Variants in SNX14 observed in about 807,000 individuals in gnomAD.
SNX14 encodes the protein sorting nexin-14.
SNX14 carries 93 observed loss-of-function variants against 133.8 expected under a neutral mutation model. The observed-to-expected ratio is 0.70, with a 90% CI of 0.59 to 0.83. The LOEUF (loss-of-function observed/expected upper bound fraction) is 0.83. Ranked by LOEUF, SNX14 falls within the 40% of genes least tolerant of loss-of-function variation. SNX14 has a pLI of 0.00. For synonymous variants in SNX14, 368 were observed against 365.6 expected, an observed-to-expected ratio of 1.01 and a Z score of -0.07; for missense variants, 945 against 1,094.9, an observed-to-expected ratio of 0.86 and a Z score of 1.93.
At chr6:85,568,872 A>C (rs904359958) in intron 4 of SNX14, among the ~76,000 whole-genome samples, 1 of 152,206 alleles carries the variant, frequency 6.6e-6, no homozygotes, top group African/African-American at 2.4e-5. Flanking sequence ...GACTAGAACG[A>C]GTTATCATTA....
intron 1 of SNX14, among the ~76,000 whole-genome samples, chr6:85,587,491 G>A (rs931850993): frequency 2.0e-5 from 3 of 152,146 alleles, no homozygotes; most frequent in Non-Finnish European, 2.9e-5. Flanking sequence ...TTGAGACAGA[G>A]TCTCGCTCTG....
chr6:85,515,286 A>AT (rs1774547073), intron 23 of SNX14, among the ~76,000 whole-genome samples: 1 of 149,686 alleles, frequency 6.7e-6, no homozygotes, highest in Non-Finnish European at 1.5e-5. Context: ...AAAAAAAAAA[A>AT]ACACTAACAT....
At chr6:85,568,516 T>A (rs1426941778) in intron 4 of SNX14, 4 of 152,260 alleles carry the variant, frequency 2.6e-5, no homozygotes, top group Non-Finnish European at 4.4e-5. Context: ...GTTATATAAG[T>A]GAAAAAGTAA....
At chr6:85,520,695 A>G (rs965455373) in intron 21 of SNX14, among the ~76,000 whole-genome samples, 1 of 152,086 alleles carries the variant, frequency 6.6e-6, no homozygotes, top group Non-Finnish European at 1.5e-5. Context: ...TCCAGCTTAC[A>G]CTAGTTTGGT....
rs887837962 is a variant in SNX14 at position 85,593,496 on chromosome 6, C to A, written c.140+83G>T. 16 of 1,487,872 alleles carry A rather than the reference C, an allele frequency of 1.1e-5. No individual in the cohort carries two copies. The African/African-American group carries it at 2.0e-4, about 18-fold the overall frequency. 92.2% of individuals were successfully genotyped at this position (1,487,872 alleles called of 1,614,324 possible). A position where few individuals can be genotyped will look rare whatever the true frequency, so the allele number is the denominator to read the frequency against. On this transcript the variant is annotated intron_variant, in intron 1 of 28. Transcript: ENST00000314673. ...GGTCCCCAGTCCCGCAGCTACGCGG[C>A]CTCCGCACGGTTAAGCAGCACGGGC...
intron 21 of SNX14, among the ~76,000 whole-genome samples, chr6:85,519,854 T>A (rs930131834): frequency 6.6e-6 from 1 of 151,674 alleles, no homozygotes; most frequent in Non-Finnish European, 1.5e-5. Context: ...GGTGACAGAG[T>A]GAGACTCCGT....
intron 4 of SNX14, among the ~76,000 whole-genome samples, chr6:85,570,255 G>A (rs1423323233): frequency 6.6e-6 from 1 of 152,144 alleles, no homozygotes; most frequent in East Asian, 1.9e-4. Flanking sequence ...TTAAATGTGA[G>A]AGCTAATATT....
In SNX14 at chr6:85,578,641, T is replaced by C. The variant is rs146935405; in HGVS notation, c.141-4263A>G. Among the ~76,000 whole-genome samples, 865 of 152,252 alleles carry C rather than the reference T, an allele frequency of 5.7e-3. 10 individuals are homozygous for C. The highest frequency in any genetic ancestry group is 8.4e-3 in the Non-Finnish European group (571 of 68,014). The stretch of plus-strand genomic sequence containing the variant: ...TTAAAGATACTAGAAATAGACTGCA[T>C]GAAATGACTGATGGACCAAGCTATC... On this transcript the variant is annotated intron_variant, in intron 1 of 28. Transcript: ENST00000314673.
At chr6:85,587,163 G>A (rs1040279250) in intron 1 of SNX14, among the ~76,000 whole-genome samples, 1 of 151,044 alleles carries the variant, frequency 6.6e-6, no homozygotes. Context: ...TACAGGCATG[G>A]GCCACCTCAC....
At chr6:85,564,003 T>C (rs918903653) in intron 6 of SNX14, among the ~76,000 whole-genome samples, 1 of 152,130 alleles carries the variant, frequency 6.6e-6, no homozygotes, top group Admixed American at 6.6e-5. Context: ...TTCCCACCTA[T>C]GAGTAAGAAC....
intron 28 of SNX14, among the ~76,000 whole-genome samples, 188 bp downstream of exon 28, chr6:85,507,045 T>C (rs949741995): frequency 1.3e-5 from 2 of 152,062 alleles, no homozygotes; most frequent in Non-Finnish European, 2.9e-5. Context: ...AGCTATTCAA[T>C]AGCTGTCCCC....
chr6:85,591,528 G>A (rs1371379071), intron 1 of SNX14, among the ~76,000 whole-genome samples: 2 of 152,112 alleles, frequency 1.3e-5, no homozygotes, highest in Non-Finnish European at 2.9e-5. Flanking sequence ...ACAGGGTACA[G>A]GTTAGATGGT....
chr6:85,517,802 C>T lies in SNX14; in HGVS notation c.2222G>A (p.Arg741Lys). Residue 741 changes from arginine to lysine, a missense_variant, in exon 23 of 29, where the codon AGA becomes AAA. Around this residue, in one of 3 missense-constraint regions of SNX14, gnomAD observed 412 missense variants for 516.6 expected, o/e 0.80. Coordinates refer to ENST00000314673, the MANE Select transcript of SNX14 (RefSeq NM_153816.6). The stretch of plus-strand genomic sequence containing the variant: ...AGGGCTGAGAATGGTCAGTTCTGGT[C>T]TACTTGGTTTAGGCTTTGGAGACTC... Reference protein sequence around the residue: ...SCESPKPKPSRPELTILSPTS... With the variant: ...SCESPKPKPSKPELTILSPTS... The T allele has an allele frequency of 1.2e-6, 2 of 1,610,828 alleles. No homozygotes were observed. The highest frequency in any genetic ancestry group is 8.5e-7 in the Non-Finnish European group (1 of 1,179,132).
chr6:85,528,259 T>C lies in SNX14; in HGVS notation c.1995+3A>G. 1.3e-6 allele frequency: 2 copies of C among 1,582,974 alleles called. No homozygotes were observed. Among genetic ancestry groups the C allele is most frequent in the Non-Finnish European group, 1.7e-6 (2 of 1,152,692 alleles). ...TTTGGAATTAATACAGTTGATGTTATACCTGTAGATATTCTTGGAACTCTT... is the reference window on the plus strand; with the variant it reads ...TTTGGAATTAATACAGTTGATGTTACACCTGTAGATATTCTTGGAACTCTT... On this transcript the variant is annotated splice_donor_region_variant and intron_variant, in intron 20 of 28. Coordinates refer to ENST00000314673, the MANE Select transcript of SNX14 (RefSeq NM_153816.6).
In SNX14 at chr6:85,538,826, C is replaced by T; in HGVS notation, c.1475+12G>A. ...ATTTAATACTGAAAAGAATCACATG[C>T]TCAAGACTTACCGAAAATCATCCAA... On this transcript the variant is annotated intron_variant, in intron 16 of 28. Coordinates refer to ENST00000314673, the MANE Select transcript of SNX14 (RefSeq NM_153816.6). 5 of 1,593,412 alleles carry T rather than the reference C, an allele frequency of 3.1e-6. No individual in the cohort carries two copies. Among genetic ancestry groups the T allele is most frequent in the Middle Eastern group, 1.7e-4 (1 of 6,018 alleles).
intron 17 of SNX14, among the ~76,000 whole-genome samples, chr6:85,535,604 C>CAAAAA (rs10707377): frequency 4.7e-5 from 4 of 84,322 alleles, no homozygotes; most frequent in East Asian, 6.7e-4. Context: ...GACTCCGTCT[C>CAAAAA]AAAAAAAAAA....
chr6:85,578,910 CG>C (rs1432015585), intron 1 of SNX14, among the ~76,000 whole-genome samples: 2 of 151,888 alleles, frequency 1.3e-5, no homozygotes, highest in Admixed American at 6.6e-5. Context: ...CTGAGGCGGG[CG>C]GATCACCTGA....
intron 1 of SNX14, among the ~76,000 whole-genome samples, chr6:85,575,618 A>T (rs1232797982): frequency 1.3e-5 from 2 of 152,266 alleles, no homozygotes; most frequent in African/African-American, 4.8e-5. Context: ...GTAAAATTCA[A>T]ATCAAATGTA....
At chr6:85,508,561 C>T (rs577479398) in intron 26 of SNX14, 40 of 222,440 alleles carry the variant, frequency 1.8e-4, no homozygotes, top group African/African-American at 9.4e-4. Context: ...CTCTTAATAT[C>T]AGAAAAAAAA....
Sources: allele counts gnomAD v4.1 joint callset (sites outside exome capture counted in the v4.1 genomes callset), GRCh38; gene constraint gnomAD v4.1.1; regional missense constraint gnomAD v4.1.1; transcripts MANE v1.5; gene names NCBI Gene and HGNC (gene_info 2026-07-23, HGNC 2026-07-21).